Variants in IL1RAPL2 observed in about 807,000 individuals in gnomAD.
The protein encoded by IL1RAPL2 is interleukin 1 receptor accessory protein like 2, also known as X-linked interleukin-1 receptor accessory protein-like 2.
In IL1RAPL2, 3 loss-of-function variants were observed where a neutral mutation model predicts 44.1. The ratio of observed to expected loss-of-function variants is 0.07; its 90% CI spans 0.03 to 0.18. IL1RAPL2 has a LOEUF of 0.18. IL1RAPL2 is among the 10% of genes least tolerant of loss of function. The pLI is 1.00. For synonymous variants in IL1RAPL2, 181 were observed against 178.8 expected, an observed-to-expected ratio of 1.01 and a Z score of -0.10; for missense variants, 391 against 496.4, an observed-to-expected ratio of 0.79 and a Z score of 2.02.
intron 2 of IL1RAPL2, among the ~76,000 whole-genome samples, chrX:105,190,139 A>G (rs1184909054): frequency 1.2e-4 from 13 of 110,939 alleles, no homozygotes; most frequent in African/African-American, 4.3e-4. Flanking sequence ...CACCTAGCAC[A>G]GTTCTTGGAT....
intron 3 of IL1RAPL2, among the ~76,000 whole-genome samples, chrX:105,229,024 G>A (rs1233038765): frequency 8.9e-6 from 1 of 111,897 alleles, no homozygotes; most frequent in Non-Finnish European, 1.9e-5. Context: ...TGCCTACATT[G>A]AGCCTGAATG....
At chrX:105,059,213 T>A (rs756837522) in intron 2 of IL1RAPL2, among the ~76,000 whole-genome samples, 13 of 111,796 alleles carry the variant, frequency 1.2e-4, no homozygotes, top group Non-Finnish European at 1.7e-4. Flanking sequence ...AAATACTATA[T>A]CTTATTCATT....
At chrX:104,797,738 T>C (rs1932859463) in intron 2 of IL1RAPL2, among the ~76,000 whole-genome samples, 1 of 112,245 alleles carries the variant, frequency 8.9e-6, no homozygotes, top group South Asian at 3.7e-4. Flanking sequence ...AATTCAGTAT[T>C]GCTGGTTAGC....
At chrX:104,636,865 G>C (rs1303755213) in intron 1 of IL1RAPL2, among the ~76,000 whole-genome samples, 3 of 111,599 alleles carry the variant, frequency 2.7e-5, no homozygotes, top group Non-Finnish European at 3.8e-5. Context: ...CCCACTTTCT[G>C]ACACTCCCTA....
intron 7 of IL1RAPL2, among the ~76,000 whole-genome samples, chrX:105,739,843 T>C (rs1330315550): frequency 9.9e-6 from 1 of 100,553 alleles, no homozygotes; most frequent in African/African-American, 3.7e-5. Flanking sequence ...GCATGATTTA[T>C]AGTCCTTTGG....
intron 10 of IL1RAPL2, among the ~76,000 whole-genome samples, chrX:105,759,474 G>T (rs1290784161): frequency 8.9e-6 from 1 of 111,876 alleles, no homozygotes; most frequent in Non-Finnish European, 1.9e-5. Context: ...ATGCATGATT[G>T]CATTCAAGAA....
chrX:104,846,525 C>T (rs1922057124), intron 2 of IL1RAPL2, among the ~76,000 whole-genome samples: 1 of 111,576 alleles, frequency 9.0e-6, no homozygotes, highest in Non-Finnish European at 1.9e-5. Flanking sequence ...AGGACATGAA[C>T]TCATCCTTTT....
At chrX:105,352,782 GTTTC>G (rs1195821803) in intron 5 of IL1RAPL2, among the ~76,000 whole-genome samples, 1 of 109,540 alleles carries the variant, frequency 9.1e-6, no homozygotes, top group Non-Finnish European at 1.9e-5. Context: ...GGGGTTGTTT[GTTTC>G]TTTCTTGTAA....
At chrX:104,674,587 G>T (rs899042795) in intron 2 of IL1RAPL2, among the ~76,000 whole-genome samples, 5 of 111,031 alleles carry the variant, frequency 4.5e-5, no homozygotes, top group Non-Finnish European at 9.4e-5. Context: ...GCCTGGCTTT[G>T]GTATCAGAAT....
At chrX:105,352,354 G>C (rs2035162757) in intron 5 of IL1RAPL2, among the ~76,000 whole-genome samples, 1 of 112,126 alleles carries the variant, frequency 8.9e-6, no homozygotes, top group South Asian at 3.7e-4. Flanking sequence ...TACTTATACT[G>C]GGAATGCTGT....
At chrX:105,343,883 T>C (rs1007170087) in intron 5 of IL1RAPL2, among the ~76,000 whole-genome samples, 4 of 110,922 alleles carry the variant, frequency 3.6e-5, no homozygotes, top group Non-Finnish European at 7.6e-5. Context: ...AAGTTTTCTT[T>C]TTTTTTTTTT....
intron 2 of IL1RAPL2, among the ~76,000 whole-genome samples, chrX:104,859,063 CA>C (rs1922434384): frequency 9.0e-6 from 1 of 111,536 alleles, no homozygotes; most frequent in Non-Finnish European, 1.9e-5. Context: ...AGGTTTTGTT[CA>C]AATAGCTTTT....
chrX:104,956,460 A>AAG, intron 2 of IL1RAPL2, among the ~76,000 whole-genome samples: 1 of 9,065 alleles, frequency 1.1e-4, no homozygotes, highest in East Asian at 4.5e-3. Context: ...TGTCTCTACT[A>AAG]AGTGTGTGTG....
At chrX:105,708,110 T>G (rs1334789020) in intron 6 of IL1RAPL2, among the ~76,000 whole-genome samples, 1 of 111,508 alleles carries the variant, frequency 9.0e-6, no homozygotes, top group East Asian at 2.8e-4. Flanking sequence ...TGTGGACAGC[T>G]TTGCGTTTCA....
chrX:105,704,873 TC>T (rs1354387294), intron 6 of IL1RAPL2, among the ~76,000 whole-genome samples: 3 of 111,175 alleles, frequency 2.7e-5, no homozygotes, highest in East Asian at 2.9e-4. Context: ...AGAACATTTT[TC>T]CCGTTGAGCT....
intron 1 of IL1RAPL2, among the ~76,000 whole-genome samples, chrX:104,603,223 C>A (rs762564596): frequency 4.0e-4 from 45 of 111,248 alleles, no homozygotes; most frequent in Non-Finnish European, 8.1e-4. Context: ...TCCAGCAGAC[C>A]GGCAGCAGAG....
intron 2 of IL1RAPL2, among the ~76,000 whole-genome samples, chrX:105,035,120 A>G (rs1026509502): frequency 9.0e-6 from 1 of 111,131 alleles, no homozygotes; most frequent in East Asian, 2.9e-4. Flanking sequence ...GGAGTGACCC[A>G]ATTTTCCAGG....
chrX:105,502,952 GGCA>G (rs1395112587), intron 6 of IL1RAPL2, among the ~76,000 whole-genome samples: 1 of 109,129 alleles, frequency 9.2e-6, no homozygotes. Context: ...ATCAGTTTGT[GGCA>G]TTGGTGTGGG....
chrX:105,049,093 A>G (rs907272963), intron 2 of IL1RAPL2, among the ~76,000 whole-genome samples: 3 of 110,693 alleles, frequency 2.7e-5, no homozygotes, highest in Non-Finnish European at 5.7e-5. Context: ...TCTTGCCTGC[A>G]GGATGCAAAA....
Sources: allele counts gnomAD v4.1 joint callset (sites outside exome capture counted in the v4.1 genomes callset), GRCh38; gene constraint gnomAD v4.1.1; transcripts MANE v1.5; gene names NCBI Gene and HGNC (gene_info 2026-07-23, HGNC 2026-07-21).